KCNT2: variants seen among roughly 807,000 people sequenced by gnomAD.
KCNT2 encodes the protein potassium sodium-activated channel subfamily T member 2, also known as potassium channel subfamily T member 2.
KCNT2 carries 67 observed loss-of-function variants against 153.8 expected under a neutral mutation model. That is an observed-to-expected ratio of 0.44 (90% confidence interval 0.36 to 0.53). The LOEUF is 0.53. KCNT2 is among the 20% of genes least tolerant of loss of function. The pLI, the probability that KCNT2 is intolerant of heterozygous loss-of-function variation, is 0.00. For synonymous variants in KCNT2, 500 were observed against 458.8 expected (o/e 1.09, Z -1.15); for missense variants, 975 against 1,354.8 (o/e 0.72, Z 4.40).
chr1:196,363,966 A>G (rs112359920), intron 14 of KCNT2, among the ~76,000 whole-genome samples: 7,565 of 152,230 alleles, frequency 0.05, 285 homozygotes, highest in Non-Finnish European at 0.072. Context: ...ATTGAAAATC[A>G]TGAGTTTATA....
intron 12 of KCNT2, among the ~76,000 whole-genome samples, chr1:196,410,662 T>C (rs1672219254): frequency 6.6e-6 from 1 of 150,758 alleles, no homozygotes; most frequent in East Asian, 2.0e-4. Context: ...TAGTAGTCGC[T>C]AACTTTCACT....
chr1:196,402,468 C>T, intron 12 of KCNT2, among the ~76,000 whole-genome samples: 1 of 151,400 alleles, frequency 6.6e-6, no homozygotes, highest in East Asian at 1.9e-4. Context: ...ATAAAGCTCA[C>T]TATGAAGCAG....
chr1:196,349,596 A>T (rs949554099), intron 14 of KCNT2, among the ~76,000 whole-genome samples: 1 of 152,100 alleles, frequency 6.6e-6, no homozygotes, highest in East Asian at 1.9e-4. Context: ...CTAGCGGTAC[A>T]CCCTATAGAC....
At chr1:196,450,261 T>A (rs1167292967) in intron 8 of KCNT2, among the ~76,000 whole-genome samples, 1 of 151,860 alleles carries the variant, frequency 6.6e-6, no homozygotes, top group East Asian at 2.0e-4. Context: ...TTGTTTTGTT[T>A]TACTTTTAAT....
chr1:196,558,186 C>T (rs1658924890), intron 1 of KCNT2, among the ~76,000 whole-genome samples: 1 of 151,286 alleles, frequency 6.6e-6, no homozygotes, highest in South Asian at 2.1e-4. Context: ...AAAAAATCTT[C>T]AGTAGAGGCA....
At chr1:196,270,749 G>A (rs369619671) in intron 25 of KCNT2, among the ~76,000 whole-genome samples, 11 of 151,790 alleles carry the variant, frequency 7.2e-5, no homozygotes, top group Non-Finnish European at 1.3e-4. Context: ...GTGTGTGTGC[G>A]TGTAAGTGTA....
intron 1 of KCNT2, among the ~76,000 whole-genome samples, chr1:196,558,034 A>G (rs950580481): frequency 6.6e-6 from 1 of 151,548 alleles, no homozygotes; most frequent in African/African-American, 2.4e-5. Context: ...TGTTGTCATC[A>G]AAATGTTACA....
At chr1:196,246,415 A>G (rs1409192465) in intron 26 of KCNT2, among the ~76,000 whole-genome samples, 1 of 152,188 alleles carries the variant, frequency 6.6e-6, no homozygotes, top group Non-Finnish European at 1.5e-5. Flanking sequence ...TTAAAACAAT[A>G]AGAAATCATC....
chr1:196,255,058 T>C (rs1656341776), intron 26 of KCNT2, among the ~76,000 whole-genome samples: 2 of 151,524 alleles, frequency 1.3e-5, no homozygotes, highest in South Asian at 2.1e-4. Context: ...CAATATATAC[T>C]ACTAGAAATA....
At chr1:196,329,950 C>CATATATCTAT (rs1664284887) in intron 18 of KCNT2, among the ~76,000 whole-genome samples, 1 of 73,540 alleles carries the variant, frequency 1.4e-5, no homozygotes, top group African/African-American at 6.7e-5. Context: ...TTCCTCAAGA[C>CATATATCTAT]ATATATATAT....
intron 26 of KCNT2, among the ~76,000 whole-genome samples, chr1:196,246,229 A>G (rs1655431968): frequency 1.3e-5 from 2 of 152,172 alleles, no homozygotes; most frequent in South Asian, 4.1e-4. Flanking sequence ...GTATCCTAGA[A>G]TAGGAATAAT....
At chr1:196,546,604 T>C (rs1316450873) in intron 1 of KCNT2, among the ~76,000 whole-genome samples, 1 of 151,900 alleles carries the variant, frequency 6.6e-6, no homozygotes, top group Non-Finnish European at 1.5e-5. Context: ...GCAACAGTAG[T>C]ATAAAAGGAA....
At position 196,530,225 on chromosome 1, in the gene KCNT2, C is replaced by A. The variant is rs192835982; in HGVS notation, c.96-37884G>T. ...AAAATGTACAAATCCCATTAAAAGG[C>A]AAACAAAATGTTAGGAGGAGATTTA... On this transcript the variant is annotated intron_variant, in intron 1 of 27. Transcript: ENST00000294725. Among the ~76,000 whole-genome samples the A allele has an allele frequency of 1.9e-4, 29 of 151,848 alleles. No individual in the cohort carries two copies. The East Asian group carries it at 4.4e-3, about 23-fold the overall frequency.
chr1:196,543,148 A>C (rs762279631), intron 1 of KCNT2, among the ~76,000 whole-genome samples: 8 of 152,178 alleles, frequency 5.3e-5, no homozygotes, highest in African/African-American at 1.9e-4. Context: ...TATAATTCTT[A>C]AACAGAATTT....
At chr1:196,313,785 T>C (rs1418020427) in intron 21 of KCNT2, among the ~76,000 whole-genome samples, 3 of 151,654 alleles carry the variant, frequency 2.0e-5, no homozygotes, top group Non-Finnish European at 4.4e-5. Context: ...GTAATTTCTT[T>C]GCAATTTGGG....
rs1269196897 is a variant in KCNT2 at position 196,378,280 on chromosome 1, T to C, written c.1295-5032A>G. Among the ~76,000 whole-genome samples, 5 of 152,292 alleles carry C rather than the reference T, an allele frequency of 3.3e-5. No homozygotes were observed. The East Asian group carries it at 7.7e-4, about 24-fold the overall frequency. On this transcript the variant is annotated intron_variant, in intron 13 of 27. Transcript: ENST00000294725. ...AACCATTATTTTATTACAACTTTCT[T>C]CCTCTACTATTGTGTATCTGTATGG...
intron 20 of KCNT2, among the ~76,000 whole-genome samples, chr1:196,318,592 CAT>C (rs1470774651): frequency 4.0e-5 from 6 of 151,798 alleles, no homozygotes; most frequent in South Asian, 2.1e-4. Context: ...GGTTATAAAA[CAT>C]GTGTAGAATT....
intron 1 of KCNT2, among the ~76,000 whole-genome samples, chr1:196,512,742 TCAAAA>T (rs1433074171): frequency 6.6e-6 from 1 of 152,052 alleles, no homozygotes; most frequent in East Asian, 1.9e-4. Context: ...GTGAAACAAA[TCAAAA>T]CAAAACTTTA....
At chr1:196,354,398 A>G (rs904352245) in intron 14 of KCNT2, among the ~76,000 whole-genome samples, 7 of 151,716 alleles carry the variant, frequency 4.6e-5, no homozygotes, top group African/African-American at 1.2e-4. Context: ...CATATTAGTT[A>G]CTTTTATATA....
Sources: allele counts gnomAD v4.1 joint callset (sites outside exome capture counted in the v4.1 genomes callset), GRCh38; gene constraint gnomAD v4.1.1; transcripts MANE v1.5; gene names NCBI Gene and HGNC (gene_info 2026-07-23, HGNC 2026-07-21).